NTRK2: variants seen among roughly 807,000 people sequenced by gnomAD.
NTRK2 encodes the protein neurotrophic receptor tyrosine kinase 2.
Under a neutral mutation model 94.5 loss-of-function variants are expected in NTRK2, and 13 were observed. That is an observed-to-expected ratio of 0.14 (90% CI 0.09 to 0.22). NTRK2 has a LOEUF of 0.22. Ranked by LOEUF, NTRK2 falls within the 10% of genes least tolerant of loss-of-function variation. The probability of loss-of-function intolerance (pLI) is 1.00; values close to 1 mark genes in which losing one functional copy is unlikely to be tolerated. For synonymous variants in NTRK2, 372 were observed against 407.4 expected (o/e 0.91, Z 1.05); for missense variants, 639 against 1,071.2 (o/e 0.60, Z 5.63).
chr9:84,892,181 T>C (rs555412835), intron 14 of NTRK2, among the ~76,000 whole-genome samples: 2 of 152,312 alleles, frequency 1.3e-5, no homozygotes, highest in Admixed American at 6.5e-5. Flanking sequence ...CTTGCTTAAG[T>C]TATCTGAGCT....
intron 5 of NTRK2, among the ~76,000 whole-genome samples, chr9:84,709,961 CTGTGTGTGTGTGTGTG>C (rs35954183): frequency 1.1e-4 from 13 of 115,348 alleles, no homozygotes; most frequent in South Asian, 2.9e-4. Flanking sequence ...ATAGCTTGCT[CTGTGTGTGTGTGTGTG>C]TGTGTGTGTG....
At chr9:84,685,551 T>G (rs150383304) in intron 2 of NTRK2, among the ~76,000 whole-genome samples, 2 of 152,150 alleles carry the variant, frequency 1.3e-5, no homozygotes, top group African/African-American at 4.8e-5. Flanking sequence ...GGCTGACAAC[T>G]TCTTATCAAG....
intron 12 of NTRK2, among the ~76,000 whole-genome samples, chr9:84,783,813 G>A (rs2067852060): frequency 6.6e-6 from 1 of 151,988 alleles, no homozygotes; most frequent in Admixed American, 6.6e-5. Flanking sequence ...GAGACTGCTG[G>A]GTTGTGGGGG....
At chr9:84,910,850 T>G (rs2077217186) in intron 14 of NTRK2, among the ~76,000 whole-genome samples, 1 of 152,188 alleles carries the variant, frequency 6.6e-6, no homozygotes, top group African/African-American at 2.4e-5. Flanking sequence ...CATTTTCTTC[T>G]TGTCAAAATT....
At chr9:84,670,240 C>G (rs1409060108) in intron 1 of NTRK2, 137 bp from the exon 2 acceptor site, 5 of 243,148 alleles carry the variant, frequency 2.1e-5, no homozygotes, top group Non-Finnish European at 4.0e-5. Context: ...ATTCCTGGGC[C>G]GGAGCTGGGC....
At chr9:84,729,435 T>G (rs2062688231) in intron 9 of NTRK2, among the ~76,000 whole-genome samples, 2 of 152,214 alleles carry the variant, frequency 1.3e-5, no homozygotes, top group African/African-American at 4.8e-5. Flanking sequence ...ATCCCTAGCT[T>G]GCAGTGTGCA....
At chr9:84,694,337 A>G (rs531622365) in intron 2 of NTRK2, among the ~76,000 whole-genome samples, 1 of 152,334 alleles carries the variant, frequency 6.6e-6, no homozygotes, top group African/African-American at 2.4e-5. Flanking sequence ...AGCACTCCAT[A>G]AAGAGGGAGT....
At chr9:84,921,539 A>G (rs1199200409) in intron 14 of NTRK2, among the ~76,000 whole-genome samples, 2 of 152,162 alleles carry the variant, frequency 1.3e-5, no homozygotes, top group African/African-American at 4.8e-5. Flanking sequence ...AGAAAGGGTT[A>G]TTTGACTTCT....
At chr9:84,961,843 C>T (rs1824974544) in intron 17 of NTRK2, among the ~76,000 whole-genome samples, 1 of 152,198 alleles carries the variant, frequency 6.6e-6, no homozygotes, top group South Asian at 2.1e-4. Context: ...CTCAGGGACA[C>T]AACGTTTGAG....
intron 12 of NTRK2, among the ~76,000 whole-genome samples, chr9:84,857,730 G>A (rs1294858078): frequency 1.3e-5 from 2 of 152,190 alleles, no homozygotes; most frequent in South Asian, 2.1e-4. Flanking sequence ...GTTGGCCTCA[G>A]CTGGGTGCTC....
In NTRK2 at chr9:84,841,685, C is replaced by T. The variant is rs116807073; in HGVS notation, c.1397-19355C>T. ...AGCCCTTATACCTGCTAGACTGTCCCGGTCCCTCCTCCCACCTTACTTATG... is the reference window on the plus strand; with the variant it reads ...AGCCCTTATACCTGCTAGACTGTCCTGGTCCCTCCTCCCACCTTACTTATG... On this transcript the variant is annotated intron_variant, in intron 12 of 18. Coordinates refer to ENST00000277120, the MANE Select transcript of NTRK2 (RefSeq NM_006180.6). 9.4e-3 allele frequency among the ~76,000 whole-genome samples: 1,432 copies of T among 152,278 alleles called. 20 individuals are homozygous for T. Among genetic ancestry groups the T allele is most frequent in the African/African-American group, 0.033 (1,360 of 41,556 alleles).
At chr9:84,890,031 T>A (rs1438231692) in intron 14 of NTRK2, among the ~76,000 whole-genome samples, 1 of 152,254 alleles carries the variant, frequency 6.6e-6, no homozygotes, top group African/African-American at 2.4e-5. Flanking sequence ...CTGCTGCACT[T>A]AGCACTTTGC....
intron 17 of NTRK2, among the ~76,000 whole-genome samples, chr9:84,961,107 C>A (rs187381398): frequency 6.6e-6 from 1 of 152,176 alleles, no homozygotes; most frequent in South Asian, 2.1e-4. Context: ...AAACTTACTT[C>A]TATTGATTAC....
At chr9:84,809,830 C>T (rs1053550759) in intron 12 of NTRK2, among the ~76,000 whole-genome samples, 1 of 140,280 alleles carries the variant, frequency 7.1e-6, no homozygotes, top group Non-Finnish European at 1.5e-5. Flanking sequence ...TGCAGTGAGC[C>T]GAGATCTCAC....
chr9:84,759,076 C>A lies in NTRK2; in HGVS notation c.1396+6991C>A, dbSNP rs115599805. Among the ~76,000 whole-genome samples the A allele has an allele frequency of 9.4e-3, 1,424 of 152,286 alleles. 20 individuals are homozygous for A. Among genetic ancestry groups the A allele is most frequent in the African/African-American group, 0.032 (1,347 of 41,554 alleles). Reference sequence around the variant, plus strand: ...AGGCAACAAAATTTGTCAATATCAACCAAGTCCTCAGAAATTTCAGAAAAG... The same window carrying A: ...AGGCAACAAAATTTGTCAATATCAAACAAGTCCTCAGAAATTTCAGAAAAG... On this transcript the variant is annotated intron_variant, in intron 12 of 18. Coordinates refer to ENST00000277120, the MANE Select transcript of NTRK2 (RefSeq NM_006180.6).
chr9:84,892,010 C>T (rs1050298001), intron 14 of NTRK2, among the ~76,000 whole-genome samples: 1 of 151,788 alleles, frequency 6.6e-6, no homozygotes, highest in Non-Finnish European at 1.5e-5. Context: ...GTTTTAGTAA[C>T]CCAGTCTGAT....
intron 12 of NTRK2, among the ~76,000 whole-genome samples, chr9:84,807,183 T>C (rs1210866082): frequency 1.3e-5 from 2 of 152,258 alleles, no homozygotes; most frequent in Non-Finnish European, 2.9e-5. Context: ...CTTGCCATTT[T>C]ATGGCTGATT....
intron 14 of NTRK2, among the ~76,000 whole-genome samples, chr9:84,920,728 C>T (rs1043465135): frequency 2.0e-5 from 3 of 152,160 alleles, no homozygotes; most frequent in Non-Finnish European, 2.9e-5. Flanking sequence ...TTCACTTCAC[C>T]GTTATGGGTA....
intron 12 of NTRK2, among the ~76,000 whole-genome samples, chr9:84,837,936 A>T (rs572759965): frequency 6.6e-6 from 1 of 152,232 alleles, no homozygotes; most frequent in African/African-American, 2.4e-5. Context: ...CCATTATTTT[A>T]TCACATCCTG....
Sources: allele counts gnomAD v4.1 joint callset (sites outside exome capture counted in the v4.1 genomes callset), GRCh38; gene constraint gnomAD v4.1.1; transcripts MANE v1.5; gene names NCBI Gene and HGNC (gene_info 2026-07-23, HGNC 2026-07-21).